Variants in CCDC178 observed in about 807,000 individuals in gnomAD.
The protein encoded by CCDC178 is coiled-coil domain containing 178, also known as coiled-coil domain-containing protein 178.
A neutral mutation model predicts 117.4 loss-of-function variants in CCDC178; 126 were observed. The ratio of observed to expected loss-of-function variants is 1.07; its 90% confidence interval spans 0.93 to 1.24. The LOEUF is 1.24. Ranked by LOEUF, CCDC178 falls within the 50% of genes most tolerant of loss-of-function variation. The pLI, the probability that CCDC178 is intolerant of heterozygous loss-of-function variation, is 0.00. For synonymous variants in CCDC178, 283 were observed against 313.4 expected, an observed-to-expected ratio of 0.90 and a Z score of 1.02; for missense variants, 1,030 against 986.9, an observed-to-expected ratio of 1.04 and a Z score of -0.59.
intron 21 of CCDC178, among the ~76,000 whole-genome samples, chr18:33,081,299 C>G (rs2057293606): frequency 6.6e-6 from 1 of 152,092 alleles, no homozygotes; most frequent in South Asian, 2.1e-4. Context: ...TTTTTATTTT[C>G]TTTTTAGCTT....
At position 33,200,232 on chromosome 18, in the gene CCDC178, T is replaced by C. The variant is rs192901872; in HGVS notation, c.2238+11664A>G. On this transcript the variant is annotated intron_variant, in intron 20 of 22. Transcript: ENST00000383096. ...AAATTTTCACTTCATTGCACTGGGG[T>C]AATGGGACAAGGTTCTTTGATGGGA... 3.2e-3 allele frequency among the ~76,000 whole-genome samples: 486 copies of C among 152,270 alleles called. 8 individuals carry two copies. The highest frequency in any genetic ancestry group is 0.029 in the Admixed American group (450 of 15,292).
intron 20 of CCDC178, among the ~76,000 whole-genome samples, chr18:33,205,946 G>A (rs1445147357): frequency 6.6e-6 from 1 of 152,086 alleles, no homozygotes; most frequent in Non-Finnish European, 1.5e-5. Flanking sequence ...TGCCCACTTT[G>A]GCCTTCTAAA....
chr18:33,189,927 ATG>A (rs2058838374), intron 20 of CCDC178, among the ~76,000 whole-genome samples: 1 of 152,174 alleles, frequency 6.6e-6, no homozygotes, highest in African/African-American at 2.4e-5. Flanking sequence ...ATGGTCATAT[ATG>A]GTGACAGATA....
intron 21 of CCDC178, among the ~76,000 whole-genome samples, chr18:33,084,173 A>G (rs2057341740): frequency 6.6e-6 from 1 of 152,228 alleles, no homozygotes; most frequent in Non-Finnish European, 1.5e-5. Flanking sequence ...AGGACAAGTT[A>G]GAACAAATAT....
chr18:33,214,438 T>C (rs1251838603), intron 19 of CCDC178, among the ~76,000 whole-genome samples: 8 of 152,008 alleles, frequency 5.3e-5, no homozygotes, highest in African/African-American at 1.7e-4. Context: ...AAACCACTCT[T>C]GTCTGAAAGG....
intron 20 of CCDC178, among the ~76,000 whole-genome samples, chr18:33,119,577 A>C (rs1002504046): frequency 8.1e-4 from 124 of 152,260 alleles, no homozygotes; most frequent in African/African-American, 3.0e-3. Flanking sequence ...ACACTTTTAC[A>C]CTGTTGGTGG....
intron 6 of CCDC178, among the ~76,000 whole-genome samples, chr18:33,362,660 G>T (rs913464713): frequency 4.6e-5 from 7 of 151,872 alleles, no homozygotes; most frequent in African/African-American, 1.7e-4. Flanking sequence ...ATCTATATGT[G>T]TCTGTCTGTA....
At chr18:32,941,757 T>A (rs1296810342) in intron 22 of CCDC178, among the ~76,000 whole-genome samples, 1 of 152,190 alleles carries the variant, frequency 6.6e-6, no homozygotes, top group East Asian at 1.9e-4. Context: ...AAATTCAACA[T>A]GTTCCAGAAC....
At chr18:33,186,582 C>G (rs904268297) in intron 20 of CCDC178, among the ~76,000 whole-genome samples, 3 of 152,056 alleles carry the variant, frequency 2.0e-5, no homozygotes, top group African/African-American at 2.4e-5. Context: ...GATGATTCAT[C>G]AGCAGAGAAA....
chr18:33,412,032 T>A lies in CCDC178; in HGVS notation c.57A>T (p.Ile19=). ...SSSTRDDQTN[I]GLTCQEVKAL... ...AAAATCAATTTATGATAAACTTACC[T>A]ATATTGGTTTGATCATCTCTAGTGG... The change falls in exon 3 of 23, where the codon ATA becomes ATT. Residue 19 remains isoleucine, a splice_region_variant and synonymous_variant. Coordinates refer to ENST00000383096, the MANE Select transcript of CCDC178 (RefSeq NM_001105528.4). The A allele has an allele frequency of 7.0e-7, 1 of 1,428,268 alleles. No individual in the cohort carries two copies. The highest frequency in any genetic ancestry group is 1.3e-5 in the South Asian group (1 of 78,984). The allele number at this position is 1,428,268 out of a possible 1,614,324, so 88.5% of individuals were successfully genotyped here.
intron 22 of CCDC178, among the ~76,000 whole-genome samples, chr18:32,947,958 TTC>T (rs1377699316): frequency 6.6e-6 from 1 of 152,156 alleles, no homozygotes; most frequent in African/African-American, 2.4e-5. Context: ...GAAGAAATTA[TTC>T]TTTCTTCAAT....
chr18:33,203,826 A>T (rs899775303), intron 20 of CCDC178, among the ~76,000 whole-genome samples: 1 of 152,234 alleles, frequency 6.6e-6, no homozygotes, highest in African/African-American at 2.4e-5. Context: ...TTTCTTGAAC[A>T]TATAGGCATG....
intron 20 of CCDC178, among the ~76,000 whole-genome samples, chr18:33,196,422 C>T (rs1027855450): frequency 5.3e-5 from 8 of 152,140 alleles, no homozygotes; most frequent in African/African-American, 7.2e-5. Context: ...TATGTTTCCC[C>T]TTGGCTAATT....
intron 19 of CCDC178, among the ~76,000 whole-genome samples, chr18:33,215,162 A>G (rs1237077227): frequency 2.0e-5 from 3 of 152,052 alleles, no homozygotes; most frequent in African/African-American, 4.8e-5. Flanking sequence ...TTCATAGAAT[A>G]TCTGAGTCTG....
chr18:33,382,138 T>C (rs1474660814), intron 5 of CCDC178, among the ~76,000 whole-genome samples: 1 of 152,156 alleles, frequency 6.6e-6, no homozygotes, highest in Non-Finnish European at 1.5e-5. Flanking sequence ...TTTAATCTCA[T>C]AAAATTGAAA....
At chr18:33,197,199 T>A (rs1183616044) in intron 20 of CCDC178, among the ~76,000 whole-genome samples, 3 of 152,094 alleles carry the variant, frequency 2.0e-5, no homozygotes, top group African/African-American at 7.2e-5. Flanking sequence ...GGCTAATTTT[T>A]AAAAATTTCC....
At chr18:33,140,108 T>C (rs1296246597) in intron 20 of CCDC178, among the ~76,000 whole-genome samples, 6 of 152,006 alleles carry the variant, frequency 3.9e-5, no homozygotes, top group Admixed American at 1.3e-4. Context: ...AAGTCAAGAG[T>C]TGAGGTTTGG....
At chr18:33,246,683 C>A (rs1260994468) in intron 14 of CCDC178, among the ~76,000 whole-genome samples, 1 of 151,722 alleles carries the variant, frequency 6.6e-6, no homozygotes, top group East Asian at 1.9e-4. Context: ...GAAGGTGTTG[C>A]ACCAGATGAG....
At chr18:33,055,346 T>G (rs1039110603) in intron 21 of CCDC178, among the ~76,000 whole-genome samples, 3 of 152,108 alleles carry the variant, frequency 2.0e-5, no homozygotes, top group Non-Finnish European at 4.4e-5. Flanking sequence ...TTCTTTTTCT[T>G]TTTTTTAAGA....
Sources: allele counts gnomAD v4.1 joint callset (sites outside exome capture counted in the v4.1 genomes callset), GRCh38; gene constraint gnomAD v4.1.1; transcripts MANE v1.5; gene names NCBI Gene and HGNC (gene_info 2026-07-23, HGNC 2026-07-21).